Variants in SULF2 observed in about 807,000 individuals in gnomAD.
The protein encoded by SULF2 is extracellular sulfatase Sulf-2.
SULF2 carries 52 observed loss-of-function variants against 107.7 expected under a neutral mutation model. That is an observed-to-expected ratio of 0.48 (90% CI 0.39 to 0.61). SULF2 has a LOEUF of 0.61. Ranked by LOEUF, SULF2 falls within the 20% of genes least tolerant of loss-of-function variation. SULF2 has a pLI of 0.00. For synonymous variants in SULF2, 460 were observed against 464.3 expected (o/e 0.99, Z 0.12); for missense variants, 993 against 1,177.3 (o/e 0.84, Z 2.29).
Position 47,673,150 on chromosome 20 carries a change from A to G in SULF2, c.1381-757T>C, listed in dbSNP as rs116057093. Reference sequence around the variant, plus strand: ...CCAGCCTCCTGGATCCCCTCACGGGATTCTGCAACCACCTGTAAACTGGAT... The same window carrying G: ...CCAGCCTCCTGGATCCCCTCACGGGGTTCTGCAACCACCTGTAAACTGGAT... On this transcript the variant is annotated intron_variant, in intron 10 of 20. Transcript: ENST00000688720. Among the ~76,000 whole-genome samples the G allele has an allele frequency of 7.6e-3, 1,153 of 152,192 alleles. 18 individuals are homozygous for G. Among genetic ancestry groups the G allele is most frequent in the African/African-American group, 0.027 (1,103 of 41,514 alleles).
chr20:47,677,452 C>T (rs1367073879), intron 8 of SULF2, among the ~76,000 whole-genome samples: 1 of 151,498 alleles, frequency 6.6e-6, no homozygotes, highest in Non-Finnish European at 1.5e-5. Context: ...ATCTCAAGCC[C>T]CTCCCAGGAA....
chr20:47,725,951 G>A lies in SULF2; in HGVS notation c.415+10752C>T, dbSNP rs541755729. 1.5e-3 allele frequency among the ~76,000 whole-genome samples: 229 copies of A among 152,324 alleles called. 2 individuals are homozygous for A. The highest frequency in any genetic ancestry group is 0.014 in the Middle Eastern group (4 of 294). On this transcript the variant is annotated intron_variant, in intron 3 of 20. Transcript: ENST00000688720. ...GCTGGCCCCGGGATGGATGGTGTCT[G>A]CTGCTCGGAGAACAGGAACCTGTCC...
chr20:47,702,174 C>T (rs1417754285), intron 4 of SULF2, among the ~76,000 whole-genome samples: 1 of 152,186 alleles, frequency 6.6e-6, no homozygotes, highest in African/African-American at 2.4e-5. Context: ...CCTCCCATTT[C>T]AGCCTCTCTA....
intron 2 of SULF2, among the ~76,000 whole-genome samples, chr20:47,746,451 G>A (rs1036990446): frequency 1.3e-5 from 2 of 152,280 alleles, no homozygotes; most frequent in African/African-American, 2.4e-5. Flanking sequence ...CCCTCTCCTG[G>A]CCCTCAAATG....
chr20:47,721,060 G>T (rs1037205425), intron 3 of SULF2, among the ~76,000 whole-genome samples: 8 of 152,108 alleles, frequency 5.3e-5, no homozygotes, highest in Non-Finnish European at 8.8e-5. Context: ...CTCAGGGCTG[G>T]GGTATTTCTG....
At chr20:47,763,422 A>C (rs1250591236) in intron 1 of SULF2, among the ~76,000 whole-genome samples, 1 of 152,212 alleles carries the variant, frequency 6.6e-6, no homozygotes, top group African/African-American at 2.4e-5. Flanking sequence ...GTTTAGAAAG[A>C]CCCAGATGGG....
At chr20:47,759,246 C>T (rs1470185947) in intron 1 of SULF2, among the ~76,000 whole-genome samples, 1 of 152,180 alleles carries the variant, frequency 6.6e-6, no homozygotes, top group African/African-American at 2.4e-5. Context: ...GGATAAGATG[C>T]AAACTTCTTG....
intron 1 of SULF2, among the ~76,000 whole-genome samples, chr20:47,759,891 G>A (rs1014746958): frequency 6.6e-6 from 1 of 152,188 alleles, no homozygotes; most frequent in African/African-American, 2.4e-5. Flanking sequence ...CTTATTTATT[G>A]TCCAATTCTT....
intron 2 of SULF2, among the ~76,000 whole-genome samples, chr20:47,748,358 C>T (rs1050409213): frequency 8.5e-5 from 13 of 152,238 alleles, no homozygotes; most frequent in African/African-American, 2.7e-4. Flanking sequence ...AGTGTTAGGC[C>T]ACACAACCCC....
At chr20:47,745,595 C>T (rs1371851171) in intron 2 of SULF2, among the ~76,000 whole-genome samples, 1 of 151,728 alleles carries the variant, frequency 6.6e-6, no homozygotes, top group African/African-American at 2.4e-5. Flanking sequence ...ATGGCACCAT[C>T]TCGGTTCATT....
chr20:47,784,601 G>A (rs142694181), intron 1 of SULF2, among the ~76,000 whole-genome samples: 1,559 of 152,260 alleles, frequency 0.01, 15 homozygotes, highest in Middle Eastern at 0.024. Flanking sequence ...CTTCTGGCGC[G>A]CAGGAGCCAG....
chr20:47,750,122 T>C (rs1288120709), intron 2 of SULF2, among the ~76,000 whole-genome samples: 2 of 152,194 alleles, frequency 1.3e-5, no homozygotes, highest in African/African-American at 2.4e-5. Context: ...GCTGGGACTA[T>C]AGGCGTGTGC....
Position 47,659,692 on chromosome 20 carries a change from A to AATACCT in SULF2, c.2527_2528+4dup. On this transcript the variant is annotated splice_donor_region_variant and intron_variant, in intron 19 of 20. Coordinates refer to ENST00000688720, the MANE Select transcript of SULF2 (RefSeq NM_001387048.1). ...TGTTTAGGCTTTAATAATAAAACGA[A>AATACCT]ATACCTGTATTGCTCATAGCTTCCT... 1 of 1,611,138 alleles carries AATACCT rather than the reference A, an allele frequency of 6.2e-7. No individual in the cohort carries two copies. The highest frequency in any genetic ancestry group is 8.5e-7 in the Non-Finnish European group (1 of 1,177,648).
At chr20:47,691,941 C>A (rs1441052896) in intron 4 of SULF2, among the ~76,000 whole-genome samples, 2 of 152,038 alleles carry the variant, frequency 1.3e-5, no homozygotes, top group African/African-American at 4.8e-5. Flanking sequence ...TGCTCCATTG[C>A]CTAGACTGGA....
intron 1 of SULF2, among the ~76,000 whole-genome samples, chr20:47,780,656 C>T (rs1040791054): frequency 2.0e-5 from 3 of 151,964 alleles, no homozygotes; most frequent in Non-Finnish European, 4.4e-5. Flanking sequence ...TGGGTTCAAG[C>T]GATTCTGGTG....
intron 3 of SULF2, among the ~76,000 whole-genome samples, chr20:47,732,274 C>T (rs1259101766): frequency 1.3e-5 from 2 of 152,288 alleles, no homozygotes; most frequent in Non-Finnish European, 1.5e-5. Flanking sequence ...TCACAAAACT[C>T]TATGAGTTAA....
intron 1 of SULF2, among the ~76,000 whole-genome samples, chr20:47,761,463 A>G (rs1053567343): frequency 5.9e-5 from 9 of 152,232 alleles, no homozygotes; most frequent in Admixed American, 5.2e-4. Context: ...ACACAAACAC[A>G]TGTTTTGGGA....
chr20:47,768,606 C>A (rs1279668736), intron 1 of SULF2, among the ~76,000 whole-genome samples: 1 of 152,254 alleles, frequency 6.6e-6, no homozygotes, highest in African/African-American at 2.4e-5. Flanking sequence ...CCCAACTCTC[C>A]GCCTTACTGA....
intron 3 of SULF2, among the ~76,000 whole-genome samples, chr20:47,731,191 T>TTTTTTTTTTTTATTTA (rs2089598642): frequency 1.0e-5 from 1 of 96,452 alleles, no homozygotes; most frequent in African/African-American, 4.2e-5. Flanking sequence ...TCTTCTCTTT[T>TTTTTTTTTTTTATTTA]TTTTTTTTTT....
Sources: allele counts gnomAD v4.1 joint callset (sites outside exome capture counted in the v4.1 genomes callset), GRCh38; gene constraint gnomAD v4.1.1; transcripts MANE v1.5; gene names NCBI Gene and HGNC (gene_info 2026-07-23, HGNC 2026-07-21).